The following PRSS23 variants were observed in gnomAD, a reference collection of about 807,000 sequenced individuals.
The protein encoded by PRSS23 is protease, serine 23.
In PRSS23, 25 loss-of-function variants were observed where a neutral mutation model predicts 34.7. The ratio of observed to expected loss-of-function variants is 0.72; its 90% confidence interval spans 0.53 to 1.01. The LOEUF is 1.01. Among genes scored for constraint, PRSS23 ranks in the 50% least tolerant of loss-of-function variants. The pLI is 0.00. For missense variants in PRSS23, 445 were observed against 475.6 expected (o/e 0.94, Z 0.60); for synonymous variants, 176 against 186.6 (o/e 0.94, Z 0.46).
At chr11:86,939,403 A>AAAAAAC (rs60997928) in intron 2 of PRSS23, among the ~76,000 whole-genome samples, 1 of 80,540 alleles carries the variant, frequency 1.2e-5, no homozygotes, top group Non-Finnish European at 2.9e-5. Context: ...TAAAAAAAAA[A>AAAAAAC]ATATATATAT....
At chr11:86,931,840 A>T (rs55845065) in intron 2 of PRSS23, among the ~76,000 whole-genome samples, 12 of 149,586 alleles carry the variant, frequency 8.0e-5, no homozygotes, top group South Asian at 2.1e-4. Context: ...ATTTTTTTTA[A>T]AAAAAAGAGT....
chr11:86,905,187 T>C (rs1011770328), intron 2 of PRSS23, among the ~76,000 whole-genome samples: 5 of 152,238 alleles, frequency 3.3e-5, no homozygotes, highest in African/African-American at 1.2e-4. Context: ...CACTAGACTG[T>C]GCGCTAAAGG....
At chr11:86,922,153 T>C (rs924505310) in intron 2 of PRSS23, 3 of 152,202 alleles carry the variant, frequency 2.0e-5, no homozygotes, top group African/African-American at 7.2e-5. Context: ...TTCAGGAAAC[T>C]TTGGGAATGT....
chr11:86,899,923 G>T (rs1948900345), intron 2 of PRSS23, among the ~76,000 whole-genome samples: 1 of 151,880 alleles, frequency 6.6e-6, no homozygotes, highest in African/African-American at 2.4e-5. Context: ...CACTGAAAAG[G>T]CTAGATTTTT....
At chr11:86,875,352 C>G (rs1457526565) in intron 2 of PRSS23, among the ~76,000 whole-genome samples, 2 of 152,084 alleles carry the variant, frequency 1.3e-5, no homozygotes, top group Non-Finnish European at 2.9e-5. Flanking sequence ...GCCTGGGCAA[C>G]AAGAGCGAAA....
intron 2 of PRSS23, among the ~76,000 whole-genome samples, chr11:86,847,316 C>T (rs547523672): frequency 6.6e-6 from 1 of 152,304 alleles, no homozygotes; most frequent in African/African-American, 2.4e-5. Context: ...GTGGTGCCCC[C>T]AACCCAGGCC....
chr11:86,850,434 G>C (rs765382191), intron 2 of PRSS23, among the ~76,000 whole-genome samples: 9 of 152,182 alleles, frequency 5.9e-5, no homozygotes, highest in Non-Finnish European at 1.3e-4. Flanking sequence ...GGAGGTGCCA[G>C]CTGGGCTTCC....
chr11:86,835,023 G>A (rs1022657315), intron 2 of PRSS23, among the ~76,000 whole-genome samples: 1 of 152,210 alleles, frequency 6.6e-6, no homozygotes, highest in African/African-American at 2.4e-5. Context: ...AAGTGGCATA[G>A]GTTTGAGCAA....
At position 86,808,494 on chromosome 11, in the gene PRSS23, A is replaced by T. The variant is rs755185649; in HGVS notation, c.851A>T (p.Asn284Ile). 1 of 1,614,124 alleles carries T rather than the reference A, an allele frequency of 6.2e-7. No individual in the cohort carries two copies. Among genetic ancestry groups the T allele is most frequent in the African/African-American group, 1.3e-5 (1 of 74,954 alleles). ...AGAATTCACTTCTCTGGTTATGACAATGACCGACCAGGCAATTTGGTGTAT... is the reference window on the plus strand; with the variant it reads ...AGAATTCACTTCTCTGGTTATGACATTGACCGACCAGGCAATTTGGTGTAT... The part of the protein sequence containing the change: ...GGRIHFSGYD[N>I]DRPGNLVYRF... The change falls in exon 2 of 2, where the codon AAT becomes ATT. Residue 284 changes from asparagine (N) to isoleucine (I), a missense_variant. Coordinates refer to ENST00000280258, the MANE Select transcript of PRSS23 (RefSeq NM_007173.6).
chr11:86,913,316 CAT>C (rs1356041302), intron 2 of PRSS23, among the ~76,000 whole-genome samples: 17 of 145,072 alleles, frequency 1.2e-4, no homozygotes, highest in Non-Finnish European at 1.9e-4. Flanking sequence ...ATATTTCACA[CAT>C]GATAGTCTTT....
chr11:86,918,388 T>A (rs959860079), intron 2 of PRSS23, among the ~76,000 whole-genome samples: 1 of 152,216 alleles, frequency 6.6e-6, no homozygotes, highest in Non-Finnish European at 1.5e-5. Flanking sequence ...GTTTATGTTA[T>A]AATTGCATTA....
intron 2 of PRSS23, among the ~76,000 whole-genome samples, chr11:86,878,924 G>A (rs1324427477): frequency 1.2e-4 from 14 of 116,704 alleles, no homozygotes; most frequent in Non-Finnish European, 1.6e-4. Flanking sequence ...CCGCCATCCC[G>A]TCTAGGAAGT....
chr11:86,886,110 T>A (rs1048491854), intron 2 of PRSS23, among the ~76,000 whole-genome samples: 2 of 152,174 alleles, frequency 1.3e-5, no homozygotes, highest in African/African-American at 4.8e-5. Context: ...ACATCTGTAA[T>A]CCCAGCACTT....
At chr11:86,883,381 C>G (rs1565376014) in intron 2 of PRSS23, among the ~76,000 whole-genome samples, 1 of 152,158 alleles carries the variant, frequency 6.6e-6, no homozygotes, top group South Asian at 2.1e-4. Flanking sequence ...CTGAGAAAAA[C>G]AAGCAATGGG....
intron 2 of PRSS23, among the ~76,000 whole-genome samples, chr11:86,944,918 G>C (rs2135030492): frequency 6.6e-6 from 1 of 152,340 alleles, no homozygotes; most frequent in Non-Finnish European, 1.5e-5. Flanking sequence ...TTCAAGTGAA[G>C]CTAAAGGGTG....
intron 2 of PRSS23, chr11:86,910,183 A>G (rs1948968389): frequency 1.3e-5 from 2 of 152,232 alleles, no homozygotes; most frequent in Admixed American, 1.3e-4. Flanking sequence ...TTGCTCCTGT[A>G]AGATCTGCAG....
At chr11:86,911,445 C>G (rs1010586221) in intron 2 of PRSS23, 1 of 152,150 alleles carries the variant, frequency 6.6e-6, no homozygotes, top group African/African-American at 2.4e-5. Context: ...AAACTTCCAA[C>G]AGGTAGTTTT....
chr11:86,885,515 C>T (rs947860647), intron 2 of PRSS23, among the ~76,000 whole-genome samples: 4 of 152,166 alleles, frequency 2.6e-5, no homozygotes, highest in African/African-American at 2.4e-5. Flanking sequence ...TGTGAGTAAA[C>T]GGATTACCCT....
chr11:86,851,557 G>A (rs1948529560), intron 2 of PRSS23, among the ~76,000 whole-genome samples: 1 of 152,216 alleles, frequency 6.6e-6, no homozygotes, highest in Admixed American at 6.5e-5. Flanking sequence ...CCATGAGTCT[G>A]GACGTAGACT....
Sources: allele counts gnomAD v4.1 joint callset (sites outside exome capture counted in the v4.1 genomes callset), GRCh38; gene constraint gnomAD v4.1.1; transcripts MANE v1.5; gene names NCBI Gene and HGNC (gene_info 2026-07-23, HGNC 2026-07-21).